BMPR1B: variants seen among roughly 807,000 people sequenced by gnomAD.
BMPR1B encodes bone morphogenetic protein receptor type 1B.
A neutral mutation model predicts 59.1 loss-of-function variants in BMPR1B; 12 were observed. The observed-to-expected ratio is 0.20, with a 90% confidence interval of 0.13 to 0.33. The LOEUF is 0.33. Ranked by LOEUF, BMPR1B falls within the 10% of genes least tolerant of loss-of-function variation. BMPR1B has a pLI of 1.00. For missense variants in BMPR1B, 550 were observed against 610.9 expected (o/e 0.90, Z 1.05); for synonymous variants, 237 against 207.3 (o/e 1.14, Z -1.23).
chr4:95,136,838 T>C (rs556998593), intron 10 of BMPR1B, among the ~76,000 whole-genome samples: 1 of 152,290 alleles, frequency 6.6e-6, no homozygotes, highest in South Asian at 2.1e-4. Context: ...CTTATCAATT[T>C]TGTTGATCTT....
intron 1 of BMPR1B, among the ~76,000 whole-genome samples, chr4:94,817,974 C>G (rs947758984): frequency 6.6e-6 from 1 of 152,132 alleles, no homozygotes; most frequent in Non-Finnish European, 1.5e-5. Flanking sequence ...ACCTGGGGAA[C>G]TTTCAAAATT....
chr4:94,787,289 G>A (rs918156748), intron 1 of BMPR1B, among the ~76,000 whole-genome samples: 1 of 152,148 alleles, frequency 6.6e-6, no homozygotes, highest in Non-Finnish European at 1.5e-5. Flanking sequence ...CATTGACTCA[G>A]GGCCTAATAT....
intron 4 of BMPR1B, among the ~76,000 whole-genome samples, chr4:95,112,046 C>A (rs1384836000): frequency 6.6e-6 from 1 of 152,054 alleles, no homozygotes; most frequent in Non-Finnish European, 1.5e-5. Flanking sequence ...ACTACTGTTT[C>A]ATTTTGCTAT....
intron 2 of BMPR1B, among the ~76,000 whole-genome samples, chr4:94,922,477 G>C (rs1440615158): frequency 6.6e-6 from 1 of 152,116 alleles, no homozygotes; most frequent in Admixed American, 6.5e-5. Context: ...TCGTTTTGCA[G>C]ACTACAGAAA....
chr4:95,131,919 T>A (rs180783129), intron 10 of BMPR1B, among the ~76,000 whole-genome samples: 2 of 152,332 alleles, frequency 1.3e-5, no homozygotes, highest in Admixed American at 6.5e-5. Context: ...TTGGGAGAAA[T>A]GTTAGAAACT....
intron 11 of BMPR1B, among the ~76,000 whole-genome samples, chr4:95,150,531 A>G (rs959136216): frequency 6.6e-6 from 1 of 152,078 alleles, no homozygotes; most frequent in African/African-American, 2.4e-5. Flanking sequence ...GCTTTATGGA[A>G]GTTGAAGGTG....
chr4:95,051,403 C>T (rs763697548), intron 3 of BMPR1B, among the ~76,000 whole-genome samples: 3 of 152,110 alleles, frequency 2.0e-5, no homozygotes, highest in Non-Finnish European at 4.4e-5. Context: ...AGTGAAGCCC[C>T]GGCGTGTGCT....
At chr4:95,041,611 CTT>C (rs71583682) in intron 3 of BMPR1B, among the ~76,000 whole-genome samples, 4 of 145,444 alleles carry the variant, frequency 2.8e-5, no homozygotes, top group Non-Finnish European at 3.0e-5. Context: ...ACTGAATGGA[CTT>C]TTTTTTTTTT....
chr4:94,925,556 A>G (rs547465799), intron 2 of BMPR1B, among the ~76,000 whole-genome samples: 3 of 152,262 alleles, frequency 2.0e-5, no homozygotes, highest in Admixed American at 1.3e-4. Flanking sequence ...CAAACTCACT[A>G]TTTGTGAATT....
At chr4:95,111,286 AC>A (rs1212756641) in intron 4 of BMPR1B, among the ~76,000 whole-genome samples, 3 of 152,120 alleles carry the variant, frequency 2.0e-5, no homozygotes, top group African/African-American at 7.2e-5. Flanking sequence ...GAAGATCTAA[AC>A]TGTTAGAGGA....
chr4:95,072,833 A>T (rs963941204), intron 3 of BMPR1B, among the ~76,000 whole-genome samples: 1 of 152,176 alleles, frequency 6.6e-6, no homozygotes, highest in Non-Finnish European at 1.5e-5. Context: ...TTTAATTAAA[A>T]ATTTTAAAAA....
chr4:94,946,139 G>T (rs1231127656), intron 2 of BMPR1B, among the ~76,000 whole-genome samples: 1 of 152,118 alleles, frequency 6.6e-6, no homozygotes, highest in African/African-American at 2.4e-5. Context: ...GTCAAAAGTA[G>T]TGAGTACTGC....
chr4:94,779,012 G>C (rs1259744772), intron 1 of BMPR1B, among the ~76,000 whole-genome samples: 3 of 152,044 alleles, frequency 2.0e-5, no homozygotes, highest in Non-Finnish European at 4.4e-5. Flanking sequence ...AGTGACAGAA[G>C]TTCTCAATTT....
intron 2 of BMPR1B, among the ~76,000 whole-genome samples, chr4:94,934,607 A>G (rs1046338503): frequency 6.6e-6 from 1 of 152,106 alleles, no homozygotes; most frequent in African/African-American, 2.4e-5. Flanking sequence ...TAATTTGTCT[A>G]CTGCACCCCT....
chr4:95,003,234 T>C (rs1722579185), intron 3 of BMPR1B, among the ~76,000 whole-genome samples: 1 of 152,200 alleles, frequency 6.6e-6, no homozygotes, highest in Non-Finnish European at 1.5e-5. Flanking sequence ...ATTTAACTGT[T>C]AATACTATAG....
At chr4:95,034,746 A>T (rs1403235688) in intron 3 of BMPR1B, among the ~76,000 whole-genome samples, 1 of 151,692 alleles carries the variant, frequency 6.6e-6, no homozygotes, top group Non-Finnish European at 1.5e-5. Flanking sequence ...AGGTGTGTAC[A>T]TGTGGCTTTT....
intron 1 of BMPR1B, among the ~76,000 whole-genome samples, chr4:94,767,916 A>C (rs529573295): frequency 1.3e-5 from 2 of 152,224 alleles, no homozygotes; most frequent in African/African-American, 4.8e-5. Flanking sequence ...TAACATAATA[A>C]AATTATTTAA....
chr4:95,080,473 T>A (rs2149233660), intron 3 of BMPR1B, among the ~76,000 whole-genome samples: 1 of 152,258 alleles, frequency 6.6e-6, no homozygotes, highest in South Asian at 2.1e-4. Flanking sequence ...TGACCTTAAG[T>A]GATCCACTCA....
At chr4:94,984,604 G>A (rs1721289109) in intron 2 of BMPR1B, among the ~76,000 whole-genome samples, 1 of 152,094 alleles carries the variant, frequency 6.6e-6, no homozygotes. Context: ...TTTTTCAAAA[G>A]GACAGTCATA....
Sources: allele counts gnomAD v4.1 joint callset (sites outside exome capture counted in the v4.1 genomes callset), GRCh38; gene constraint gnomAD v4.1.1; transcripts MANE v1.5; gene names NCBI Gene and HGNC (gene_info 2026-07-23, HGNC 2026-07-21).